The following LRBA variants were observed in gnomAD, a reference collection of about 807,000 sequenced individuals.
The protein encoded by LRBA is lipopolysaccharide-responsive and beige-like anchor protein.
A neutral mutation model predicts 330.0 loss-of-function variants in LRBA; 176 were observed. That is an observed-to-expected ratio of 0.53 (90% CI 0.47 to 0.60). LRBA has a LOEUF of 0.60. LRBA is among the 20% of genes least tolerant of loss of function. LRBA has a pLI of 0.00. For synonymous variants in LRBA, 1,230 were observed against 1,193.0 expected (o/e 1.03, Z -0.64); for missense variants, 3,259 against 3,444.8 (o/e 0.95, Z 1.35).
chr4:150,805,613 A>AAAG, intron 33 of LRBA, among the ~76,000 whole-genome samples: 1 of 143,444 alleles, frequency 7.0e-6, no homozygotes, highest in South Asian at 2.3e-4. Context: ...AAAGAAAGGA[A>AAAG]AGGAAAGGAA....
chr4:150,913,750 G>A (rs1732268775), intron 9 of LRBA, among the ~76,000 whole-genome samples: 1 of 152,206 alleles, frequency 6.6e-6, no homozygotes, highest in Non-Finnish European at 1.5e-5. Context: ...CTGGTGAACT[G>A]ACCCTATCAT....
intron 41 of LRBA, among the ~76,000 whole-genome samples, chr4:150,488,793 A>G (rs969322368): frequency 1.3e-5 from 2 of 149,876 alleles, no homozygotes; most frequent in Non-Finnish European, 3.0e-5. Flanking sequence ...ATAGTTTTTA[A>G]AACACTGGCA....
At position 150,806,140 on chromosome 4, in the gene LRBA, T is replaced by C. The variant is rs143973739; in HGVS notation, c.5518+131A>G. On this transcript the variant is annotated intron_variant, in intron 33 of 56. Coordinates refer to ENST00000651943, the MANE Select transcript of LRBA (RefSeq NM_001364905.1). ...GACATGTGACACAGTCTTCAAAAGATAGCCTATGAGAAACCTTGTCAAAGG... is the reference window on the plus strand; with the variant it reads ...GACATGTGACACAGTCTTCAAAAGACAGCCTATGAGAAACCTTGTCAAAGG... The C allele has an allele frequency of 1.8e-3, 1,013 of 553,740 alleles. 8 individuals carry two copies. Among genetic ancestry groups the C allele is most frequent in the African/African-American group, 0.017 (863 of 51,002 alleles). 34.3% of individuals were successfully genotyped at this position (553,740 alleles called of 1,614,324 possible).
At chr4:150,325,786 A>C (rs1467203006) in intron 49 of LRBA, 23 bp downstream of exon 49, 1 of 1,491,402 alleles carries the variant, frequency 6.7e-7, no homozygotes, top group Non-Finnish European at 9.4e-7. Flanking sequence ...GCAAGAAATG[A>C]GGAGAGTAAA....
chr4:150,879,679 T>C (rs1389604866), intron 17 of LRBA, among the ~76,000 whole-genome samples: 2 of 152,164 alleles, frequency 1.3e-5, no homozygotes, highest in East Asian at 3.9e-4. Flanking sequence ...TTTCGGGATA[T>C]AAAATTGATG....
At chr4:150,400,180 T>C (rs888324138) in intron 47 of LRBA, among the ~76,000 whole-genome samples, 1 of 152,194 alleles carries the variant, frequency 6.6e-6, no homozygotes, top group Non-Finnish European at 1.5e-5. Flanking sequence ...TTCCAAGTCA[T>C]GTTGTAAAGC....
rs560356810 is a variant in LRBA at position 150,474,207 on chromosome 4, C to T, written c.6552-2468G>A. Among the ~76,000 whole-genome samples, 10 of 152,106 alleles carry T rather than the reference C, an allele frequency of 6.6e-5. No homozygotes were observed. In the South Asian group the frequency reaches 8.3e-4, roughly 13 times the overall value. ...TTGTATGTAAACATCCAATTTTGTC[C>T]ACCAATTGTTTAAAGCCTATCTTTT... On this transcript the variant is annotated intron_variant, in intron 42 of 56. Coordinates refer to ENST00000651943, the MANE Select transcript of LRBA (RefSeq NM_001364905.1).
At chr4:150,741,497 G>T (rs1176388082) in intron 35 of LRBA, among the ~76,000 whole-genome samples, 1 of 151,992 alleles carries the variant, frequency 6.6e-6, no homozygotes, top group Admixed American at 6.5e-5. Flanking sequence ...TTAAAAGGCT[G>T]GCATCACCAA....
intron 4 of LRBA, among the ~76,000 whole-genome samples, chr4:150,924,542 A>T (rs1261436618): frequency 6.6e-6 from 1 of 151,998 alleles, no homozygotes; most frequent in Non-Finnish European, 1.5e-5. Context: ...AAAGAAAAAG[A>T]TGTAGTAGTC....
At chr4:150,721,296 C>T (rs1275482491) in intron 36 of LRBA, 13 of 351,122 alleles carry the variant, frequency 3.7e-5, no homozygotes, top group Non-Finnish European at 6.6e-5. Flanking sequence ...ATTCTTCATA[C>T]CCTGGGAAGT....
intron 2 of LRBA, among the ~76,000 whole-genome samples, chr4:151,007,582 G>A: frequency 6.6e-6 from 1 of 151,700 alleles, no homozygotes; most frequent in African/African-American, 2.4e-5. Flanking sequence ...TGTAGGCCGG[G>A]CGCGGTGTCT....
intron 44 of LRBA, among the ~76,000 whole-genome samples, chr4:150,446,961 G>C (rs139151588): frequency 6.0e-4 from 91 of 152,206 alleles, no homozygotes; most frequent in African/African-American, 2.0e-3. Flanking sequence ...GTTAAATTTA[G>C]TCATTTAATT....
chr4:150,930,514 T>A (rs1734382274), intron 2 of LRBA, among the ~76,000 whole-genome samples: 1 of 151,792 alleles, frequency 6.6e-6, no homozygotes, highest in Admixed American at 6.6e-5. Flanking sequence ...AAAATAAAAA[T>A]AAATCCAATG....
intron 35 of LRBA, among the ~76,000 whole-genome samples, chr4:150,743,416 T>C (rs901491830): frequency 3.9e-5 from 6 of 152,164 alleles, no homozygotes; most frequent in Non-Finnish European, 2.9e-5. Flanking sequence ...ATCATATAAG[T>C]AGATTGTTCC....
At chr4:150,453,215 CCAAA>C (rs202200829) in intron 44 of LRBA, among the ~76,000 whole-genome samples, 4,039 of 152,024 alleles carry the variant, frequency 0.027, 169 homozygotes, top group African/African-American at 0.092. Context: ...CCTAGAACAG[CCAAA>C]CAATTTTTAA....
At chr4:150,423,281 T>C in intron 46 of LRBA, 2 of 882,622 alleles carry the variant, frequency 2.3e-6, no homozygotes, top group Admixed American at 1.9e-5. Context: ...CCTGTAGGGG[T>C]GTCTCCCTTC....
chr4:150,553,796 A>T (rs775572142), intron 40 of LRBA, among the ~76,000 whole-genome samples: 19 of 152,214 alleles, frequency 1.2e-4, no homozygotes, highest in Non-Finnish European at 2.1e-4. Context: ...ATGACAAATG[A>T]GGATTATGAC....
intron 2 of LRBA, among the ~76,000 whole-genome samples, chr4:150,988,243 T>C (rs1404864813): frequency 6.6e-6 from 1 of 152,112 alleles, no homozygotes; most frequent in Non-Finnish European, 1.5e-5. Context: ...AATAGAACAG[T>C]ACAGGACACA....
chr4:150,391,865 C>T (rs999008369), intron 47 of LRBA, among the ~76,000 whole-genome samples: 1 of 151,242 alleles, frequency 6.6e-6, no homozygotes, highest in African/African-American at 2.4e-5. Context: ...AGCTCACACC[C>T]TTCTAACTGG....
Sources: gnomAD v4.1 joint callset for allele counts (sites outside exome capture counted in the v4.1 genomes callset) on GRCh38, gnomAD v4.1.1 for gene constraint, MANE v1.5 for transcripts, NCBI Gene and HGNC (gene_info 2026-07-23, HGNC 2026-07-21) for gene names.